Variants in CDK5RAP2 observed in about 807,000 individuals in gnomAD.
CDK5RAP2 encodes CDK5 regulatory subunit associated protein 2.
In CDK5RAP2, 147 loss-of-function variants were observed where a neutral mutation model predicts 232.9. The ratio of observed to expected loss-of-function variants is 0.63; its 90% CI spans 0.55 to 0.72. The LOEUF (loss-of-function observed/expected upper bound fraction) is 0.72. Ranked by LOEUF, CDK5RAP2 falls within the 30% of genes least tolerant of loss-of-function variation. The pLI is 0.00. For missense variants in CDK5RAP2, 2,195 were observed against 2,231.5 expected, an observed-to-expected ratio of 0.98 and a Z score of 0.33; for synonymous variants, 833 against 833.7, an observed-to-expected ratio of 1.00 and a Z score of 0.01.
At chr9:120,568,164 C>A (rs182601995) in intron 3 of CDK5RAP2, among the ~76,000 whole-genome samples, 157 bp downstream of exon 3, 1 of 152,176 alleles carries the variant, frequency 6.6e-6, no homozygotes, top group Non-Finnish European at 1.5e-5. Flanking sequence ...TGCATTTGTA[C>A]GTAAAAGTCT....
intron 25 of CDK5RAP2, among the ~76,000 whole-genome samples, chr9:120,435,093 T>C (rs571497398): frequency 7.9e-5 from 12 of 152,308 alleles, no homozygotes; most frequent in African/African-American, 2.6e-4. Context: ...ATGAATCTAA[T>C]TGTGTTTCAA....
At chr9:120,577,049 G>A (rs1396945374) in intron 1 of CDK5RAP2, among the ~76,000 whole-genome samples, 1 of 152,028 alleles carries the variant, frequency 6.6e-6, no homozygotes, top group Non-Finnish European at 1.5e-5. Flanking sequence ...ACTTATACGC[G>A]ACACTTAGAG....
chr9:120,392,054 T>G (rs570233211), intron 36 of CDK5RAP2, among the ~76,000 whole-genome samples: 1 of 152,100 alleles, frequency 6.6e-6, no homozygotes, highest in East Asian at 1.9e-4. Flanking sequence ...TATGAGACAT[T>G]TGCGGCTCTT....
chr9:120,557,530 A>G (rs2042275021), intron 3 of CDK5RAP2, among the ~76,000 whole-genome samples: 1 of 152,170 alleles, frequency 6.6e-6, no homozygotes, highest in Non-Finnish European at 1.5e-5. Context: ...CAGAGCCAGA[A>G]GGCTCACTTG....
intron 34 of CDK5RAP2, among the ~76,000 whole-genome samples, chr9:120,402,039 C>G (rs1340188823): frequency 1.3e-5 from 2 of 152,054 alleles, no homozygotes; most frequent in African/African-American, 4.8e-5. Context: ...CGCCTGTAAT[C>G]CCAACACTTT....
chr9:120,538,960 A>T, intron 6 of CDK5RAP2, 81 bp downstream of exon 6: 1 of 1,468,614 alleles, frequency 6.8e-7, no homozygotes, highest in Non-Finnish European at 9.5e-7. Context: ...CTGACGGTTT[A>T]TAAAAAAAGA....
intron 25 of CDK5RAP2, among the ~76,000 whole-genome samples, chr9:120,435,188 A>G (rs1283193849): frequency 6.6e-6 from 1 of 152,228 alleles, no homozygotes; most frequent in Non-Finnish European, 1.5e-5. Flanking sequence ...TTTTTAGCCT[A>G]AAAACAAAGA....
intron 12 of CDK5RAP2, among the ~76,000 whole-genome samples, chr9:120,494,659 A>G (rs2039071205): frequency 6.6e-6 from 1 of 152,194 alleles, no homozygotes; most frequent in Non-Finnish European, 1.5e-5. Context: ...TCCTCATGGT[A>G]GACATAATAC....
rs542099536 is a variant in CDK5RAP2 at position 120,490,601 on chromosome 9, T to C, written c.1482+706A>G. On this transcript the variant is annotated intron_variant, in intron 13 of 37. Transcript: ENST00000349780. ...GCTTTTTGTCCCAAAGGCATGTAGC[T>C]GTGTGGAGAAAGCTGAATCCTATGC... Among the ~76,000 whole-genome samples, 4 of 152,376 alleles carry C rather than the reference T, an allele frequency of 2.6e-5. No individual in the cohort carries two copies. In the East Asian group the frequency reaches 7.7e-4, roughly 29 times the overall value.
At position 120,579,933 on chromosome 9, in the gene CDK5RAP2, G is replaced by A. The variant is rs1694032825; in HGVS notation, c.46C>T (p.Leu16Phe). The A allele has an allele frequency of 1.9e-6, 3 of 1,613,396 alleles. No homozygotes were observed. Among genetic ancestry groups the A allele is most frequent in the Non-Finnish European group, 2.5e-6 (3 of 1,179,326 alleles). The change falls in exon 1 of 38, where the codon CTC becomes TTC. Residue 16 changes from leucine (L) to phenylalanine (F), a missense_variant. Coordinates refer to ENST00000349780, the MANE Select transcript of CDK5RAP2 (RefSeq NM_018249.6). ...LEEDVTVPGT[L>F]SGCSGLVPSV... ...CCCCGGCCGCACCTGCAGCCGCTGA[G>A]CGTCCCAGGGACGGTGACGTCCTCT...
chr9:120,564,186 G>A (rs374967337), intron 3 of CDK5RAP2, among the ~76,000 whole-genome samples: 6 of 152,106 alleles, frequency 3.9e-5, no homozygotes, highest in Non-Finnish European at 7.4e-5. Flanking sequence ...AGAAACACTC[G>A]GCGAGGCGTG....
intron 36 of CDK5RAP2, among the ~76,000 whole-genome samples, chr9:120,391,358 C>T (rs984979211): frequency 2.6e-5 from 4 of 152,162 alleles, no homozygotes; most frequent in African/African-American, 7.2e-5. Flanking sequence ...GACCGAGGAA[C>T]ACAGCGACAA....
chr9:120,497,489 T>C (rs2039364530), intron 12 of CDK5RAP2, among the ~76,000 whole-genome samples: 1 of 136,176 alleles, frequency 7.3e-6, no homozygotes, highest in Admixed American at 8.0e-5. Context: ...CTTCAAAGTA[T>C]GACGAGAAGC....
Position 120,453,803 on chromosome 9 carries a change from C to T in CDK5RAP2, c.2446G>A (p.Gly816Arg). The T allele has an allele frequency of 6.2e-7, 1 of 1,614,168 alleles. No individual in the cohort carries two copies. Among genetic ancestry groups the T allele is most frequent in the Non-Finnish European group, 8.5e-7 (1 of 1,180,028 alleles). Reference protein sequence around the residue: ...QLFLTEQEVSGEHLDGKTEKT... With the variant: ...QLFLTEQEVSREHLDGKTEKT... ...TCAGTTTTACCATCAAGGTGTTCTC[C>T]AGAAACTTCCTGCTCTGTCAAGAAT... The change falls in exon 21 of 38, where the codon GGA becomes AGA. Residue 816 changes from glycine to arginine, a missense_variant. Physicochemically the swap from Gly to Arg is moderately radical, Grantham distance 125. Coordinates refer to ENST00000349780, the MANE Select transcript of CDK5RAP2 (RefSeq NM_018249.6).
intron 35 of CDK5RAP2, among the ~76,000 whole-genome samples, chr9:120,400,090 C>T (rs1433971898): frequency 6.6e-6 from 1 of 152,212 alleles, no homozygotes; most frequent in Admixed American, 6.5e-5. Context: ...AGTTCTAACT[C>T]TTCCTTAACC....
chr9:120,440,717 T>C (rs1342760057), intron 23 of CDK5RAP2, among the ~76,000 whole-genome samples: 1 of 152,256 alleles, frequency 6.6e-6, no homozygotes, highest in Non-Finnish European at 1.5e-5. Flanking sequence ...ACAGCAGAGA[T>C]GTGGCCTTTC....
chr9:120,562,343 A>T (rs991890124), intron 3 of CDK5RAP2, among the ~76,000 whole-genome samples: 1 of 152,212 alleles, frequency 6.6e-6, no homozygotes, highest in Non-Finnish European at 1.5e-5. Context: ...CATGCGAGGT[A>T]CGGGAACTCA....
At chr9:120,575,839 A>G (rs926523797) in intron 1 of CDK5RAP2, among the ~76,000 whole-genome samples, 6 of 152,224 alleles carry the variant, frequency 3.9e-5, no homozygotes, top group African/African-American at 1.4e-4. Flanking sequence ...ACATGCAATC[A>G]AACAGTATAC....
chr9:120,413,493 G>C (rs1372148713), intron 28 of CDK5RAP2, among the ~76,000 whole-genome samples: 1 of 152,234 alleles, frequency 6.6e-6, no homozygotes, highest in Non-Finnish European at 1.5e-5. Context: ...ACAACATGGT[G>C]AGAACAGCAC....
Sources: gnomAD v4.1 joint callset for allele counts (sites outside exome capture counted in the v4.1 genomes callset) on GRCh38, gnomAD v4.1.1 for gene constraint, MANE v1.5 for transcripts, NCBI Gene and HGNC (gene_info 2026-07-23, HGNC 2026-07-21) for gene names.